ZNF787: variants seen among roughly 807,000 people sequenced by gnomAD.
ZNF787 encodes the protein TTF-I-interacting peptide 20.
A neutral mutation model predicts 16.9 loss-of-function variants in ZNF787; 7 were observed. That is an observed-to-expected ratio of 0.42 (90% CI 0.24 to 0.78). The LOEUF (loss-of-function observed/expected upper bound fraction) is 0.78. Among genes scored for constraint, ZNF787 ranks in the 30% least tolerant of loss-of-function variants. The pLI, the probability that ZNF787 is intolerant of heterozygous loss-of-function variation, is 0.30. For synonymous variants in ZNF787, 345 were observed against 270.9 expected, an observed-to-expected ratio of 1.27 and a Z score of -2.69; for missense variants, 551 against 589.3, an observed-to-expected ratio of 0.94 and a Z score of 0.67.
chr19:56,105,883 C>G (rs12980196), intron 1 of ZNF787, among the ~76,000 whole-genome samples: 14 of 137,484 alleles, frequency 1.0e-4, no homozygotes, highest in South Asian at 9.4e-4. Flanking sequence ...CGCGCATTCC[C>G]CCGGCCGCGC....
chr19:56,102,709 TC>T, intron 2 of ZNF787: 1 of 557,662 alleles, frequency 1.8e-6, no homozygotes, highest in Non-Finnish European at 3.2e-6. Context: ...GCCTGCGGGT[TC>T]CCTGCGCTCC....
intron 2 of ZNF787, among the ~76,000 whole-genome samples, chr19:56,092,030 C>CT: frequency 6.6e-6 from 1 of 151,256 alleles, no homozygotes; most frequent in African/African-American, 2.5e-5. Context: ...AAGCCGAAGC[C>CT]GAAGCCGAAG....
Position 56,103,237 on chromosome 19 carries a change from G to A in ZNF787, c.-10-10C>T. On this transcript the variant is annotated splice_polypyrimidine_tract_variant and intron_variant, in intron 1 of 2. Coordinates refer to ENST00000610935, the MANE Select transcript of ZNF787 (RefSeq NM_001002836.4). ...CTCCATGTCTGGGTCCCTGTTAGAA[G>A]GGGATGAGACAGAAGGACAGAGTTT... is the stretch of plus-strand genomic sequence containing the variant. 6.5e-7 allele frequency: 1 copy of A among 1,541,232 alleles called. No homozygotes were observed. The highest frequency in any genetic ancestry group is 8.7e-7 in the Non-Finnish European group (1 of 1,144,104).
rs56034363 is a variant in ZNF787 at position 56,088,050 on chromosome 19, G to A, written c.1122C>T (p.Pro374=). ...DDDEAAGGRC[P]ECRGGEGR The stretch of plus-strand genomic sequence containing the variant: ...ACCGGCCCTCCCCACCGCGGCACTC[G>A]GGGCACCGCCCGCCCGCGGCCTCGT... The change falls in exon 3 of 3, where the codon CCC becomes CCT. Residue 374 remains proline (P), a synonymous_variant. Transcript: ENST00000610935. This position sits in a 1 kb window ranked among gnomAD's most constrained non-coding sequence, Gnocchi z 8.6. The A allele has an allele frequency of 1.9e-5, 26 of 1,361,006 alleles. No individual in the cohort carries two copies. The highest frequency in any genetic ancestry group is 2.2e-5 in the Non-Finnish European group (23 of 1,065,478). 84.3% of individuals were successfully genotyped at this position (1,361,006 alleles called of 1,614,324 possible). A position where few individuals can be genotyped will look rare whatever the true frequency, so the allele number is the denominator to read the frequency against.
At chr19:56,117,472 A>G (rs532853078) in intron 1 of ZNF787, among the ~76,000 whole-genome samples, 10 of 151,738 alleles carry the variant, frequency 6.6e-5, no homozygotes, top group African/African-American at 2.4e-4. Flanking sequence ...CCACAAGCGG[A>G]GTGGCTAGTA....
At position 56,103,182 on chromosome 19, in the gene ZNF787, C is replaced by A; in HGVS notation, c.36G>T (p.Pro12=). Residue 12 remains proline, a synonymous_variant, in exon 2 of 3, where the codon CCG becomes CCT. Coordinates refer to ENST00000610935, the MANE Select transcript of ZNF787 (RefSeq NM_001002836.4). ...CCATCTGCTGGTCCTCAGAATCCAG[C>A]GGCCCCGGAGACCAGGCTTCTTCCC... ...ELREEAWSPG[P]LDSEDQQMAS... 2 of 1,581,896 alleles carry A rather than the reference C, an allele frequency of 1.3e-6. No homozygotes were observed. Among genetic ancestry groups the A allele is most frequent in the Non-Finnish European group, 1.7e-6 (2 of 1,163,048 alleles).
At chr19:56,114,916 C>T (rs1463180352) in intron 1 of ZNF787, among the ~76,000 whole-genome samples, 2 of 152,182 alleles carry the variant, frequency 1.3e-5, no homozygotes, top group African/African-American at 4.8e-5. Context: ...GCCACCCCTC[C>T]ACTCCCCCAC....
rs149613092 is a variant in ZNF787, at chr19:56,091,018, G to A, written c.80-1926C>T. The stretch of plus-strand genomic sequence containing the variant: ...GGCAGAAGAAAACACTCCAGGTGAA[G>A]TCAGGAAGGGGGGAGCCTTCTGGAG... On this transcript the variant is annotated intron_variant, in intron 2 of 2. Coordinates refer to ENST00000610935, the MANE Select transcript of ZNF787 (RefSeq NM_001002836.4). 8.3e-3 allele frequency among the ~76,000 whole-genome samples: 1,258 copies of A among 152,330 alleles called. 22 individuals carry two copies. Among genetic ancestry groups the A allele is most frequent in the African/African-American group, 0.029 (1,197 of 41,576 alleles).
At chr19:56,120,121 G>A (rs1021646663) in intron 1 of ZNF787, among the ~76,000 whole-genome samples, 2 of 152,172 alleles carry the variant, frequency 1.3e-5, no homozygotes, top group African/African-American at 2.4e-5. Context: ...CTGTCGCCCG[G>A]GTCTCAGTCT....
At chr19:56,119,576 G>A (rs976289925) in intron 1 of ZNF787, among the ~76,000 whole-genome samples, 6 of 152,204 alleles carry the variant, frequency 3.9e-5, no homozygotes, top group Admixed American at 3.3e-4. Flanking sequence ...AGGCACTGAA[G>A]TTACTCGTCT....
intron 1 of ZNF787, among the ~76,000 whole-genome samples, chr19:56,105,882 C>CTCCGGCCGCGCCCACGGCAGTCA (rs1568531068): frequency 4.0e-5 from 6 of 151,842 alleles, no homozygotes; most frequent in African/African-American, 7.2e-5. Context: ...CCGCGCATTC[C>CTCCGGCCGCGCCCACGGCAGTCA]CCCGGCCGCG....
In ZNF787 at chr19:56,088,503, G is replaced by C. The variant is rs956122939; in HGVS notation, c.669C>G (p.Pro223=). The stretch of plus-strand genomic sequence containing the variant: ...CGCCGTCCGCCGCCACCGCCTCTTC[G>C]GGCCCCTTGGCCCGCCGGACGCTAG... ...LAASVRRAKG[P]EEAVAADGEI... is the part of the protein sequence containing the mutation. Residue 223 remains proline (P), a synonymous_variant, in exon 3 of 3, where the codon CCC becomes CCG. Coordinates refer to ENST00000610935, the MANE Select transcript of ZNF787 (RefSeq NM_001002836.4). This position sits in a 1 kb window ranked among gnomAD's most constrained non-coding sequence, Gnocchi z 8.6. The C allele has an allele frequency of 2.8e-6, 4 of 1,404,382 alleles. No homozygotes were observed. Among genetic ancestry groups the C allele is most frequent in the East Asian group, 3.2e-5 (1 of 31,044 alleles). 87.0% of individuals were successfully genotyped at this position (1,404,382 alleles called of 1,614,324 possible).
chr19:56,089,187 C>A (rs1179920153), intron 2 of ZNF787, 95 bp from the exon 3 acceptor site: 2 of 901,278 alleles, frequency 2.2e-6, no homozygotes, highest in African/African-American at 1.8e-5. Context: ...CCTCGCTCCC[C>A]CTGGCGCAGG....
In ZNF787 at chr19:56,087,569, C is replaced by CTGAT. The variant is rs1355725607; in HGVS notation, c.*450_*453dup. 1 of 153,080 alleles carries CTGAT rather than the reference C, an allele frequency of 6.5e-6. No homozygotes were observed. Among genetic ancestry groups the CTGAT allele is most frequent in the Non-Finnish European group, 1.5e-5 (1 of 68,804 alleles). 9.5% of individuals were successfully genotyped at this position (153,080 alleles called of 1,614,324 possible). On this transcript the variant is annotated 3_prime_UTR_variant, in exon 3 of 3. Transcript: ENST00000610935. ...GGCGGGCGGGGAGTCAAAAGGTGGG[C>CTGAT]TGATTAAAAGAAAATTCTAAAAGAG... is the stretch of plus-strand genomic sequence containing the variant.
At chr19:56,120,477 C>A (rs376180099) in intron 1 of ZNF787, among the ~76,000 whole-genome samples, 2 of 152,312 alleles carry the variant, frequency 1.3e-5, no homozygotes, top group South Asian at 4.1e-4. Context: ...CAGTCACTTC[C>A]CCCGCTGGGG....
Position 56,103,192 on chromosome 19 carries a change from G to C in ZNF787, c.26C>G (p.Ser9Cys). ...GTCCTCAGAATCCAGCGGCCCCGGA[G>C]ACCAGGCTTCTTCCCGCAGCTCCAT... MELREEAWSPGPLDSEDQQ... is the reference protein window; with the variant it reads MELREEAWCPGPLDSEDQQ... Residue 9 changes from serine (S) to cysteine (C), a missense_variant, in exon 2 of 3, where the codon TCT becomes TGT. By Grantham distance (112) the Ser-to-Cys change is moderately radical (BLOSUM62 -1). Coordinates refer to ENST00000610935, the MANE Select transcript of ZNF787 (RefSeq NM_001002836.4). 6.4e-7 allele frequency: 1 copy of C among 1,570,146 alleles called. No individual in the cohort carries two copies. Among genetic ancestry groups the C allele is most frequent in the Admixed American group, 1.8e-5 (1 of 54,146 alleles).
intron 1 of ZNF787, among the ~76,000 whole-genome samples, chr19:56,118,984 C>A (rs1410375260): frequency 2.6e-5 from 4 of 152,178 alleles, no homozygotes; most frequent in Admixed American, 2.6e-4. Flanking sequence ...AATACCTCCC[C>A]TGCACCACAC....
chr19:56,114,700 A>G (rs573040616), intron 1 of ZNF787, among the ~76,000 whole-genome samples: 5 of 152,138 alleles, frequency 3.3e-5, no homozygotes, highest in Admixed American at 3.3e-4. Flanking sequence ...GAGCGTGGTG[A>G]TATCACTTCT....
At chr19:56,090,465 G>T (rs1985531564) in intron 2 of ZNF787, among the ~76,000 whole-genome samples, 1 of 152,062 alleles carries the variant, frequency 6.6e-6, no homozygotes, top group African/African-American at 2.4e-5. Flanking sequence ...CACGCTAAGG[G>T]AGTGCTCCAC....
Sources: gnomAD v4.1 joint callset for allele counts (sites outside exome capture counted in the v4.1 genomes callset) on GRCh38, gnomAD v4.1.1 for gene constraint, Gnocchi (gnomAD v3.1) non-coding constraint, MANE v1.5 for transcripts, NCBI Gene and HGNC (gene_info 2026-07-23, HGNC 2026-07-21) for gene names.